Variants in KIAA1671 observed in about 807,000 individuals in gnomAD.
KIAA1671 encodes the protein KIAA1671.
A neutral mutation model predicts 131.2 loss-of-function variants in KIAA1671; 52 were observed. The observed-to-expected ratio is 0.40, with a 90% CI of 0.32 to 0.50. The LOEUF (loss-of-function observed/expected upper bound fraction) is 0.50. KIAA1671 is among the 20% of genes least tolerant of loss of function. The pLI is 0.73. For missense variants in KIAA1671, 2,360 were observed against 2,364.2 expected (o/e 1.00, Z 0.04); for synonymous variants, 1,003 against 961.6 (o/e 1.04, Z -0.80).
At chr22:25,066,063 T>A (rs1293119667) in intron 6 of KIAA1671, among the ~76,000 whole-genome samples, 1 of 152,120 alleles carries the variant, frequency 6.6e-6, no homozygotes, top group Non-Finnish European at 1.5e-5. Context: ...GATGGTGTTG[T>A]CTAGGTTTTC....
chr22:25,040,786 C>G lies in KIAA1671; in HGVS notation c.3656C>G (p.Ala1219Gly). Reference protein sequence around the residue: ...QELSLKVPGEAQERRSPTVEP... With the variant: ...QELSLKVPGEGQERRSPTVEP... ...CTGTCGCTGAAAGTCCCTGGGGAGG[C>G]TCAGGAGAGGAGGAGTCCCACCGTG... Residue 1219 changes from alanine to glycine, a missense_variant, in exon 5 of 13, where the codon GCT (alanine) becomes GGT (glycine). Transcript: ENST00000358431. 1 of 1,551,720 alleles carries G rather than the reference C, an allele frequency of 6.4e-7. No homozygotes were observed. Among genetic ancestry groups the G allele is most frequent in the Non-Finnish European group, 8.7e-7 (1 of 1,147,000 alleles).
intron 1 of KIAA1671, among the ~76,000 whole-genome samples, chr22:24,971,749 G>A (rs1327551439): frequency 6.6e-6 from 1 of 152,178 alleles, no homozygotes; most frequent in Non-Finnish European, 1.5e-5. Context: ...GATCATGAAG[G>A]AAAGAGTTTG....
rs71191013 is a variant in KIAA1671, at chr22:25,003,400, A to ATT, written c.-207-22205_-207-22204dup. Among the ~76,000 whole-genome samples, 228 of 113,806 alleles carry ATT rather than the reference A, an allele frequency of 2.0e-3. 11 individuals carry two copies. The highest frequency in any genetic ancestry group is 3.3e-3 in the African/African-American group (78 of 23,808). 74.7% of individuals were successfully genotyped at this position (113,806 alleles called of 152,430 possible). ...GCCTTATCTCCTTTCACTTGGAGAG[A>ATT]TTTTTTTTTTTTTTTTTTTTTTTTT... On this transcript the variant is annotated intron_variant, in intron 1 of 12. Coordinates refer to ENST00000358431, the MANE Select transcript of KIAA1671 (RefSeq NM_001145206.2).
intron 6 of KIAA1671, chr22:25,059,464 A>T (rs935295394): frequency 6.8e-6 from 1 of 147,486 alleles, no homozygotes; most frequent in Non-Finnish European, 1.5e-5. Flanking sequence ...CCCTGGCGAC[A>T]GAGTGAGACT....
At chr22:25,179,361 T>A in intron 9 of KIAA1671, 1 of 1,602,462 alleles carries the variant, frequency 6.2e-7, no homozygotes, top group Middle Eastern at 2.0e-4. Flanking sequence ...CTCGGCCGCG[T>A]GCAGCTCCTC....
In KIAA1671 at chr22:25,033,169, T is replaced by G. The variant is rs576605552; in HGVS notation, c.1629+473T>G. Among the ~76,000 whole-genome samples, 17 of 152,220 alleles carry G rather than the reference T, an allele frequency of 1.1e-4. No individual in the cohort carries two copies. In the South Asian group the frequency reaches 3.5e-3, roughly 32 times the overall value. ...AGGCTGAGGTGGAGGGAGGATTGCT[T>G]GAGCCCAAGAGTTTGAGACCAGCCT... On this transcript the variant is annotated intron_variant, in intron 4 of 12. Transcript: ENST00000358431.
intron 1 of KIAA1671, among the ~76,000 whole-genome samples, chr22:24,967,888 G>C (rs1432782868): frequency 3.3e-5 from 5 of 152,178 alleles, no homozygotes; most frequent in Non-Finnish European, 7.3e-5. Flanking sequence ...AGCTACTCGG[G>C]AGGCTGAGGC....
intron 6 of KIAA1671, chr22:25,064,846 C>T (rs1162157178): frequency 6.6e-6 from 1 of 152,238 alleles, no homozygotes; most frequent in African/African-American, 2.4e-5. Context: ...TACAGAGGAC[C>T]TACTAAACCC....
intron 6 of KIAA1671, among the ~76,000 whole-genome samples, chr22:25,118,449 T>A (rs1344307584): frequency 6.6e-6 from 1 of 152,110 alleles, no homozygotes; most frequent in Non-Finnish European, 1.5e-5. Context: ...CCACCACACC[T>A]ACCTAATTTT....
chr22:25,112,323 G>C, intron 6 of KIAA1671: 1 of 398,982 alleles, frequency 2.5e-6, no homozygotes, highest in Non-Finnish European at 4.4e-6. Flanking sequence ...TCGGCCAGCC[G>C]GACCCCCTTC....
chr22:25,104,397 G>A (rs571720132), intron 6 of KIAA1671, among the ~76,000 whole-genome samples: 11 of 152,274 alleles, frequency 7.2e-5, no homozygotes, highest in Non-Finnish European at 8.8e-5. Context: ...GACCTCCTGC[G>A]GGAGATCTGG....
At chr22:25,019,463 C>A (rs1925539585) in intron 1 of KIAA1671, among the ~76,000 whole-genome samples, 1 of 151,920 alleles carries the variant, frequency 6.6e-6, no homozygotes, top group African/African-American at 2.4e-5. Context: ...CTCTACCTTT[C>A]AAATTGATGA....
chr22:25,035,036 CT>C (rs143999685), intron 4 of KIAA1671, among the ~76,000 whole-genome samples: 34,324 of 117,492 alleles, frequency 0.29, 3,874 homozygotes, highest in Middle Eastern at 0.35. Flanking sequence ...TGCGCCTGGC[CT>C]TTTTTTTTTT....
chr22:25,133,092 A>T (rs1373276783), intron 6 of KIAA1671, among the ~76,000 whole-genome samples: 2 of 150,520 alleles, frequency 1.3e-5, no homozygotes, highest in East Asian at 3.9e-4. Context: ...GAGACAATAT[A>T]TTTAAGAATC....
At chr22:24,992,772 G>A (rs1277970014) in intron 1 of KIAA1671, among the ~76,000 whole-genome samples, 5 of 117,058 alleles carry the variant, frequency 4.3e-5, no homozygotes, top group African/African-American at 1.6e-4. Flanking sequence ...CCAAGATCAC[G>A]CCATTGCACT....
Position 25,049,243 on chromosome 22 carries a change from A to T in KIAA1671, c.4409A>T (p.Asp1470Val), listed in dbSNP as rs770452886. ...TCTGTGTTTCAGGTGCTGCCACGGG[A>T]CCTGGAGAAGGAGGATGCCCCCCAG... ...TGDSHKVLPR[D>V]LEKEDAPQEK... The change falls in exon 6 of 13, where the codon GAC becomes GTC. Residue 1470 changes from aspartate (D) to valine (V), a missense_variant. By Grantham distance (152) the Asp-to-Val change is radical. Transcript: ENST00000358431. 1 of 1,551,914 alleles carries T rather than the reference A, an allele frequency of 6.4e-7. No homozygotes were observed. Among genetic ancestry groups the T allele is most frequent in the Non-Finnish European group, 8.7e-7 (1 of 1,146,910 alleles).
chr22:25,162,131 T>C (rs1031968086), intron 6 of KIAA1671, among the ~76,000 whole-genome samples: 1 of 152,178 alleles, frequency 6.6e-6, no homozygotes, highest in African/African-American at 2.4e-5. Flanking sequence ...TTTATAGGCT[T>C]CTTGGGAGCT....
intron 6 of KIAA1671, among the ~76,000 whole-genome samples, chr22:25,077,879 C>T (rs1929201238): frequency 6.6e-6 from 1 of 152,218 alleles, no homozygotes; most frequent in African/African-American, 2.4e-5. Flanking sequence ...AGCGTGTAAT[C>T]ACCTCTAGGT....
rs1934436092 is a variant in KIAA1671, at chr22:25,185,244, G to A, written c.5342+125G>A. ...TACAACTTTTTAATTTTCTCTAGCA[G>A]CAGAAGCTTTGTTCATGAGAATTCT... On this transcript the variant is annotated intron_variant, in intron 11 of 12. Coordinates refer to ENST00000358431, the MANE Select transcript of KIAA1671 (RefSeq NM_001145206.2). 7 of 1,052,846 alleles carry A rather than the reference G, an allele frequency of 6.6e-6. No homozygotes were observed. The East Asian group carries it at 1.1e-4, about 17-fold the overall frequency. 65.2% of individuals were successfully genotyped at this position (1,052,846 alleles called of 1,614,324 possible). A position where few individuals can be genotyped will look rare whatever the true frequency, so the allele number is the denominator to read the frequency against.
Sources: allele counts gnomAD v4.1 joint callset (sites outside exome capture counted in the v4.1 genomes callset), GRCh38; gene constraint gnomAD v4.1.1; transcripts MANE v1.5; gene names NCBI Gene and HGNC (gene_info 2026-07-23, HGNC 2026-07-21).